Variants in GTF2F2 observed in about 807,000 individuals in gnomAD.
The protein encoded by GTF2F2 is general transcription factor IIF subunit 2.
A neutral mutation model predicts 42.2 loss-of-function variants in GTF2F2; 23 were observed. The observed-to-expected ratio is 0.55, with a 90% CI of 0.39 to 0.77. GTF2F2 has a LOEUF of 0.77. Ranked by LOEUF, GTF2F2 falls within the 30% of genes least tolerant of loss-of-function variation. GTF2F2 has a pLI of 0.00. For synonymous variants in GTF2F2, 105 were observed against 100.8 expected (o/e 1.04, Z -0.25); for missense variants, 261 against 287.2 (o/e 0.91, Z 0.66).
rs1875659345 is a variant in GTF2F2, at chr13:45,247,018, G to GA, written c.387-5852dup. On this transcript the variant is annotated intron_variant, in intron 5 of 7. Transcript: ENST00000340473. ...AGCGCCACTGCACTCCAGCCTGGGC[G>GA]ACAGATCAAGACTCTGTCTCAAAAA... Among the ~76,000 whole-genome samples the GA allele has an allele frequency of 2.2e-5, 3 of 139,186 alleles. No homozygotes were observed. In the East Asian group the frequency reaches 6.4e-4, roughly 30 times the overall value. The allele number at this position is 139,186 out of a possible 152,430, so 91.3% of individuals were successfully genotyped here.
At chr13:45,276,862 G>A (rs71431330) in intron 7 of GTF2F2, among the ~76,000 whole-genome samples, 16,849 of 152,248 alleles carry the variant, frequency 0.11, 1,079 homozygotes, top group African/African-American at 0.18. Context: ...TAGAGGAGAT[G>A]TTACTAAAGT....
intron 4 of GTF2F2, among the ~76,000 whole-genome samples, chr13:45,169,793 T>A (rs1452066227): frequency 6.6e-6 from 1 of 152,180 alleles, no homozygotes; most frequent in African/African-American, 2.4e-5. Flanking sequence ...CAGTATCAAA[T>A]TTTCTAGACT....
chr13:45,207,639 T>A, intron 5 of GTF2F2, 134 bp downstream of exon 5: 1 of 573,776 alleles, frequency 1.7e-6, no homozygotes, highest in Non-Finnish European at 3.1e-6. Context: ...TGTTTGGTTT[T>A]AAAAGCAAGT....
intron 4 of GTF2F2, among the ~76,000 whole-genome samples, chr13:45,177,468 T>TTA (rs1246784274): frequency 6.6e-6 from 1 of 152,204 alleles, no homozygotes; most frequent in Admixed American, 6.5e-5. Flanking sequence ...TCGGGCCATC[T>TTA]TAGTTCATTC....
intron 6 of GTF2F2, among the ~76,000 whole-genome samples, chr13:45,266,954 C>T (rs1876587323): frequency 6.6e-6 from 1 of 152,024 alleles, no homozygotes; most frequent in Admixed American, 6.5e-5. Flanking sequence ...TCCAGGCCAG[C>T]CTGGCCAACA....
At chr13:45,219,583 G>C (rs1874027816) in intron 5 of GTF2F2, 1 of 152,148 alleles carries the variant, frequency 6.6e-6, no homozygotes, top group South Asian at 2.1e-4. Context: ...TAGCATGATT[G>C]AATTGAATTT....
intron 6 of GTF2F2, among the ~76,000 whole-genome samples, chr13:45,260,466 A>G (rs182071276): frequency 4.6e-5 from 7 of 152,352 alleles, no homozygotes; most frequent in Non-Finnish European, 8.8e-5. Flanking sequence ...ATAATATCTC[A>G]TAAGGATTTA....
chr13:45,251,094 G>C (rs1462266595), intron 5 of GTF2F2, among the ~76,000 whole-genome samples: 2 of 152,116 alleles, frequency 1.3e-5, no homozygotes, highest in Non-Finnish European at 2.9e-5. Context: ...TGAATTTGGG[G>C]ATCTTGGTAA....
chr13:45,220,102 C>T (rs144863655), intron 5 of GTF2F2, among the ~76,000 whole-genome samples: 150 of 152,236 alleles, frequency 9.9e-4, no homozygotes, highest in Non-Finnish European at 1.9e-3. Flanking sequence ...CTAGTAGGTG[C>T]GTGATAAATA....
chr13:45,139,336 A>G (rs1038242462), intron 2 of GTF2F2, among the ~76,000 whole-genome samples: 1 of 152,210 alleles, frequency 6.6e-6, no homozygotes, highest in African/African-American at 2.4e-5. Flanking sequence ...GTAAAAATCA[A>G]AAAATGTATT....
At chr13:45,202,467 G>A (rs1282329699) in intron 4 of GTF2F2, among the ~76,000 whole-genome samples, 2 of 152,106 alleles carry the variant, frequency 1.3e-5, no homozygotes, top group African/African-American at 4.8e-5. Flanking sequence ...AAGTACATGT[G>A]TGTTTAATCC....
intron 5 of GTF2F2, among the ~76,000 whole-genome samples, chr13:45,212,859 A>C (rs1448701699): frequency 6.6e-6 from 1 of 151,632 alleles, no homozygotes; most frequent in Non-Finnish European, 1.5e-5. Flanking sequence ...CTCCCACCTC[A>C]GCCTCCTGAG....
intron 4 of GTF2F2, among the ~76,000 whole-genome samples, chr13:45,202,447 G>T (rs1293165394): frequency 6.6e-6 from 1 of 152,114 alleles, no homozygotes; most frequent in African/African-American, 2.4e-5. Flanking sequence ...GTGGGTGTGT[G>T]TGTGTGTGCA....
At chr13:45,233,943 C>T (rs1281449169) in intron 5 of GTF2F2, among the ~76,000 whole-genome samples, 4 of 152,118 alleles carry the variant, frequency 2.6e-5, no homozygotes, top group Non-Finnish European at 4.4e-5. Context: ...AAACCATTGC[C>T]ACAGTTGGAA....
intron 5 of GTF2F2, among the ~76,000 whole-genome samples, chr13:45,216,261 A>T (rs1228020336): frequency 6.6e-6 from 1 of 152,110 alleles, no homozygotes; most frequent in Non-Finnish European, 1.5e-5. Flanking sequence ...TAAAAACTCA[A>T]AGGTTATACA....
intron 6 of GTF2F2, among the ~76,000 whole-genome samples, chr13:45,264,973 G>A (rs1238484151): frequency 1.3e-5 from 2 of 152,156 alleles, no homozygotes; most frequent in East Asian, 3.9e-4. Flanking sequence ...TTTAACTTGA[G>A]ACTGAGGCCA....
intron 4 of GTF2F2, among the ~76,000 whole-genome samples, chr13:45,153,220 G>C (rs375401119): frequency 0.013 from 1,889 of 150,470 alleles, 42 homozygotes; most frequent in African/African-American, 0.04. Flanking sequence ...GGGTTTCACC[G>C]TGTTAGCCAG....
chr13:45,232,044 G>A (rs1874710591), intron 5 of GTF2F2, among the ~76,000 whole-genome samples: 1 of 152,168 alleles, frequency 6.6e-6, no homozygotes, highest in African/African-American at 2.4e-5. Context: ...GAAGTTATTT[G>A]ATCCCACCAT....
intron 4 of GTF2F2, 162 bp from the exon 5 acceptor site, chr13:45,207,262 T>C (rs1367018969): frequency 1.9e-6 from 1 of 524,184 alleles, no homozygotes; most frequent in Non-Finnish European, 3.4e-6. Context: ...AGAATAAGGC[T>C]TCTCTCTGTT....
Sources: gnomAD v4.1 joint callset for allele counts (sites outside exome capture counted in the v4.1 genomes callset) on GRCh38, gnomAD v4.1.1 for gene constraint, MANE v1.5 for transcripts, NCBI Gene and HGNC (gene_info 2026-07-23, HGNC 2026-07-21) for gene names.